RAD54L: variants seen among roughly 807,000 people sequenced by gnomAD.
The protein encoded by RAD54L is RAD54 like.
A neutral mutation model predicts 91.6 loss-of-function variants in RAD54L; 74 were observed. The ratio of observed to expected loss-of-function variants is 0.81; its 90% CI spans 0.67 to 0.98. The LOEUF (loss-of-function observed/expected upper bound fraction) is 0.98. Ranked by LOEUF, RAD54L falls within the 50% of genes least tolerant of loss-of-function variation. RAD54L has a pLI of 0.00. For synonymous variants in RAD54L, 304 were observed against 349.7 expected (o/e 0.87, Z 1.46); for missense variants, 887 against 945.7 (o/e 0.94, Z 0.81).
At chr1:46,261,947 T>C (rs549719730) in intron 8 of RAD54L, among the ~76,000 whole-genome samples, 1 of 152,050 alleles carries the variant, frequency 6.6e-6, no homozygotes, top group African/African-American at 2.4e-5. Context: ...CTGGGCAATA[T>C]GGTGAAACCC....
intron 2 of RAD54L, 62 bp from the exon 3 acceptor site, chr1:46,249,938 G>C: frequency 6.3e-7 from 1 of 1,579,474 alleles, no homozygotes; most frequent in Non-Finnish European, 8.7e-7. Context: ...TCAAGTGTTA[G>C]TTGCCATTAT....
chr1:46,255,683 C>G (rs1659922414), intron 3 of RAD54L, among the ~76,000 whole-genome samples: 2 of 151,826 alleles, frequency 1.3e-5, no homozygotes, highest in Non-Finnish European at 2.9e-5. Flanking sequence ...GTACTTTTAG[C>G]AGAGACGGGG....
At chr1:46,255,737 G>T (rs1236330419) in intron 3 of RAD54L, among the ~76,000 whole-genome samples, 1 of 152,074 alleles carries the variant, frequency 6.6e-6, no homozygotes, top group Non-Finnish European at 1.5e-5. Context: ...CTGACCTCAG[G>T]TGACCTGCCC....
At chr1:46,258,031 T>C (rs1178390738) in intron 3 of RAD54L, among the ~76,000 whole-genome samples, 1 of 152,002 alleles carries the variant, frequency 6.6e-6, no homozygotes, top group African/African-American at 2.4e-5. Context: ...ATTATTTTTA[T>C]TTATATTTTT....
intron 6 of RAD54L, 40 bp from the exon 7 acceptor site, chr1:46,260,687 G>T: frequency 6.2e-7 from 1 of 1,614,110 alleles, no homozygotes; most frequent in Non-Finnish European, 8.5e-7. Context: ...GACAGCAGCA[G>T]CGTAGGTGCC....
chr1:46,254,041 CTTG>C (rs1659874844), intron 3 of RAD54L, among the ~76,000 whole-genome samples: 1 of 151,876 alleles, frequency 6.6e-6, no homozygotes, highest in African/African-American at 2.4e-5. Flanking sequence ...GTGGCGTGAT[CTTG>C]GCGCACTGCA....
intron 16 of RAD54L, among the ~76,000 whole-genome samples, chr1:46,275,953 T>TAAAA (rs11378327): frequency 6.8e-6 from 1 of 147,118 alleles, no homozygotes; most frequent in Non-Finnish European, 1.5e-5. Flanking sequence ...GATCCCGTCT[T>TAAAA]AAAAAAAAAA....
At chr1:46,252,350 A>G (rs1659825112) in intron 3 of RAD54L, among the ~76,000 whole-genome samples, 1 of 152,138 alleles carries the variant, frequency 6.6e-6, no homozygotes, top group African/African-American at 2.4e-5. Context: ...GTAGGAGGTA[A>G]CAGCAGTATA....
intron 16 of RAD54L, among the ~76,000 whole-genome samples, chr1:46,275,456 T>C (rs947917908): frequency 2.8e-5 from 4 of 144,146 alleles, no homozygotes; most frequent in Admixed American, 2.1e-4. Flanking sequence ...ACCCTCCCAC[T>C]CATCTGGCTT....
At chr1:46,272,584 C>T in intron 11 of RAD54L, 44 bp downstream of exon 11, 2 of 1,610,546 alleles carry the variant, frequency 1.2e-6, no homozygotes. Flanking sequence ...CAAAGCCTAG[C>T]TCCTGAAGCA....
At chr1:46,250,167 C>A in intron 3 of RAD54L, 48 bp downstream of exon 3, 1 of 1,611,834 alleles carries the variant, frequency 6.2e-7, no homozygotes, top group South Asian at 1.1e-5. Context: ...CCCAGTCACT[C>A]AGCCTAGGTA....
chr1:46,274,361 C>A, intron 15 of RAD54L, 145 bp downstream of exon 15: 2 of 1,271,694 alleles, frequency 1.6e-6, no homozygotes, highest in Non-Finnish European at 1.1e-6. Context: ...TTGGTGATGG[C>A]TGGGCTGGAA....
In RAD54L at chr1:46,265,519, T is replaced by C. The variant is rs113468746; in HGVS notation, c.892-1940T>C. Among the ~76,000 whole-genome samples the C allele has an allele frequency of 8.2e-3, 1,250 of 152,262 alleles. 19 individuals carry two copies. Among genetic ancestry groups the C allele is most frequent in the Middle Eastern group, 0.037 (11 of 294 alleles). ...AAACTCCTGACCTCAGGTGATCCACTTGCCTTAACCTCCCAAAGTGCTAGG... is the reference window on the plus strand; with the variant it reads ...AAACTCCTGACCTCAGGTGATCCACCTGCCTTAACCTCCCAAAGTGCTAGG... On this transcript the variant is annotated intron_variant, in intron 8 of 17. Coordinates refer to ENST00000371975, the MANE Select transcript of RAD54L (RefSeq NM_003579.4). This position sits in a 1 kb window ranked among gnomAD's most constrained non-coding sequence, Gnocchi z 4.8.
intron 8 of RAD54L, among the ~76,000 whole-genome samples, chr1:46,267,172 TC>T (rs1217240493): frequency 1.8e-4 from 28 of 152,278 alleles, no homozygotes; most frequent in Non-Finnish European, 4.4e-5. Flanking sequence ...CAAGCGATCT[TC>T]CCATCTCAGC....
chr1:46,248,705 A>G (rs978650776), intron 2 of RAD54L, 107 bp downstream of exon 2: 1 of 959,920 alleles, frequency 1.0e-6, no homozygotes, highest in Admixed American at 2.0e-5. Context: ...CCTCTTTTGT[A>G]TGTTCAATAA....
chr1:46,255,840 C>T (rs1266432745), intron 3 of RAD54L, among the ~76,000 whole-genome samples: 1 of 152,006 alleles, frequency 6.6e-6, no homozygotes, highest in African/African-American at 2.4e-5. Context: ...CATTTTTGGC[C>T]AGGGGTCTCC....
At chr1:46,267,740 C>A in intron 9 of RAD54L, 131 bp downstream of exon 9, 1 of 1,260,186 alleles carries the variant, frequency 7.9e-7, no homozygotes, top group Non-Finnish European at 1.1e-6. Flanking sequence ...TGTAGGAAGG[C>A]TTCTCTTGTC....
Position 46,263,618 on chromosome 1 carries a change from G to A in RAD54L, c.891+2233G>A, listed in dbSNP as rs1660190135. 6.6e-6 allele frequency among the ~76,000 whole-genome samples: 1 copy of A among 152,100 alleles called. No individual in the cohort carries two copies. The highest frequency in any genetic ancestry group is 2.4e-5 in the African/African-American group (1 of 41,416). On this transcript the variant is annotated intron_variant, in intron 8 of 17. Transcript: ENST00000371975. This position sits in a 1 kb window ranked among gnomAD's most constrained non-coding sequence, Gnocchi z 4.3. ...ACTCCCAACTTCCTGGTAGGAGTAG[G>A]GAACTTACCAGGTTGAGGTGAGGTA...
intron 3 of RAD54L, among the ~76,000 whole-genome samples, chr1:46,252,219 G>T (rs572581524): frequency 1.1e-4 from 17 of 152,300 alleles, no homozygotes; most frequent in African/African-American, 3.8e-4. Context: ...TTGGGGGATG[G>T]TGGTGAGAGA....
Sources: allele counts gnomAD v4.1 joint callset (sites outside exome capture counted in the v4.1 genomes callset), GRCh38; gene constraint gnomAD v4.1.1; non-coding constraint Gnocchi (gnomAD v3.1); transcripts MANE v1.5; gene names NCBI Gene and HGNC (gene_info 2026-07-23, HGNC 2026-07-21).